Variants in ARMC2 observed in about 807,000 individuals in gnomAD.
ARMC2 encodes armadillo repeat-containing protein 2.
ARMC2 carries 67 observed loss-of-function variants against 90.3 expected under a neutral mutation model. That is an observed-to-expected ratio of 0.74 (90% CI 0.61 to 0.91). ARMC2 has a LOEUF of 0.91. ARMC2 is among the 40% of genes least tolerant of loss of function. The pLI, the probability that ARMC2 is intolerant of heterozygous loss-of-function variation, is 0.00. For missense variants in ARMC2, 920 were observed against 1,030.9 expected, an observed-to-expected ratio of 0.89 and a Z score of 1.47; for synonymous variants, 393 against 393.0, an observed-to-expected ratio of 1.00 and a Z score of 0.00.
chr6:108,871,690 C>T (rs1776432027), intron 4 of ARMC2, among the ~76,000 whole-genome samples: 1 of 152,140 alleles, frequency 6.6e-6, no homozygotes, highest in Admixed American at 6.5e-5. Context: ...CTTTGCCCAC[C>T]ATCCCCCTCC....
the ARMC2 span, among the ~76,000 whole-genome samples, chr6:109,039,074 AAGG>A: frequency 1.3e-5 from 2 of 150,096 alleles, no homozygotes; most frequent in South Asian, 2.2e-4. Flanking sequence ...AGGAGGAAGA[AAGG>A]AGGGAGGAAA....
chr6:108,866,509 C>G (rs1775833556), intron 3 of ARMC2, among the ~76,000 whole-genome samples: 1 of 152,162 alleles, frequency 6.6e-6, no homozygotes, highest in African/African-American at 2.4e-5. Context: ...TAACTTGGAA[C>G]CAAACCTGAT....
intron 16 of ARMC2, 39 bp downstream of exon 16, chr6:108,964,351 T>C (rs1411341674): frequency 6.3e-7 from 1 of 1,594,598 alleles, no homozygotes; most frequent in Non-Finnish European, 8.5e-7. Flanking sequence ...CTCTCAGGAT[T>C]TGAAGGACAT....
the ARMC2 span, chr6:109,009,446 G>C: frequency 7.4e-7 from 1 of 1,359,626 alleles, no homozygotes; most frequent in East Asian, 3.1e-5. Context: ...CGTTCGCGGC[G>C]GCGGCCAAGC....
intron 6 of ARMC2, among the ~76,000 whole-genome samples, chr6:108,895,450 C>T (rs1771503290): frequency 6.9e-6 from 1 of 144,376 alleles, no homozygotes; most frequent in Non-Finnish European, 1.5e-5. Flanking sequence ...CGCCGCTGCA[C>T]TCCAGCCTGG....
chr6:109,038,177 G>T, the ARMC2 span, among the ~76,000 whole-genome samples: 4 of 152,198 alleles, frequency 2.6e-5, no homozygotes, highest in Admixed American at 6.5e-5. Context: ...TCACTGGCTT[G>T]TATTTAGGGG....
At chr6:109,031,704 G>A in the ARMC2 span, among the ~76,000 whole-genome samples, 1 of 152,120 alleles carries the variant, frequency 6.6e-6, no homozygotes, top group Non-Finnish European at 1.5e-5. Context: ...GTAGGAAATG[G>A]CCCATCTTTT....
intron 3 of ARMC2, among the ~76,000 whole-genome samples, chr6:108,864,837 G>T (rs1305981482): frequency 6.6e-6 from 1 of 151,990 alleles, no homozygotes; most frequent in Admixed American, 6.5e-5. Context: ...CTTTGACGGG[G>T]TTGTCCTATG....
chr6:108,906,677 G>A (rs373532659), intron 8 of ARMC2, among the ~76,000 whole-genome samples: 26 of 152,182 alleles, frequency 1.7e-4, no homozygotes, highest in Admixed American at 4.6e-4. Context: ...TAGAATTGGG[G>A]TCTCGCTATG....
intron 5 of ARMC2, among the ~76,000 whole-genome samples, chr6:108,890,211 A>AAAAAAC: frequency 7.2e-6 from 1 of 139,572 alleles, no homozygotes; most frequent in African/African-American, 2.7e-5. Context: ...AAAAAAAAAA[A>AAAAAAC]AAAAAAAAAA....
chr6:108,936,708 A>C (rs1175865838), intron 11 of ARMC2, among the ~76,000 whole-genome samples, 192 bp from the exon 12 acceptor site: 1 of 152,128 alleles, frequency 6.6e-6, no homozygotes, highest in East Asian at 1.9e-4. Context: ...ATTTTTCCGG[A>C]TCCATCTCAC....
the ARMC2 span, among the ~76,000 whole-genome samples, chr6:109,039,140 AGAG>A: frequency 6.5e-5 from 9 of 138,024 alleles, no homozygotes; most frequent in South Asian, 2.6e-4. Flanking sequence ...GAAAGAAAGA[AGAG>A]GAGAAGGAAG....
the ARMC2 span, among the ~76,000 whole-genome samples, chr6:109,045,537 G>A: frequency 0.11 from 16,389 of 152,172 alleles, 1,014 homozygotes; most frequent in Middle Eastern, 0.19. Flanking sequence ...TTCAAACACA[G>A]TAAATCTCAT....
At chr6:109,013,156 C>T in the ARMC2 span, among the ~76,000 whole-genome samples, 5 of 151,526 alleles carry the variant, frequency 3.3e-5, no homozygotes, top group East Asian at 1.9e-4. Context: ...TTAAAGAATA[C>T]GGATTTCATT....
the ARMC2 span, chr6:109,002,215 TG>T: frequency 7.1e-7 from 1 of 1,412,518 alleles, no homozygotes; most frequent in East Asian, 2.3e-5. Flanking sequence ...TGCCAACATG[TG>T]GGTCATGAAA....
At chr6:108,899,381 T>C (rs1771904929) in intron 6 of ARMC2, among the ~76,000 whole-genome samples, 1 of 152,228 alleles carries the variant, frequency 6.6e-6, no homozygotes, top group Non-Finnish European at 1.5e-5. Flanking sequence ...GAGGGATAAG[T>C]TTAAGTAAAA....
the ARMC2 span, among the ~76,000 whole-genome samples, chr6:109,001,734 T>G: frequency 6.6e-6 from 1 of 152,050 alleles, no homozygotes; most frequent in Admixed American, 6.6e-5. Flanking sequence ...GCTTGCAGAG[T>G]TGGCCAGAAT....
At chr6:108,960,935 T>G (rs1028629296) in intron 13 of ARMC2, among the ~76,000 whole-genome samples, 3 of 152,142 alleles carry the variant, frequency 2.0e-5, no homozygotes, top group Admixed American at 2.0e-4. Flanking sequence ...CAGGTAGGTC[T>G]TGTGAACCAG....
At chr6:108,964,090 A>G in intron 15 of ARMC2, 90 bp from the exon 16 acceptor site, 1 of 1,444,044 alleles carries the variant, frequency 6.9e-7, no homozygotes, top group Non-Finnish European at 9.4e-7. Context: ...TTTGCAAGCC[A>G]CTCCCCGTTT....
Sources: allele counts gnomAD v4.1 joint callset (sites outside exome capture counted in the v4.1 genomes callset), GRCh38; gene constraint gnomAD v4.1.1; transcripts MANE v1.5; gene names NCBI Gene and HGNC (gene_info 2026-07-23, HGNC 2026-07-21).